USP24: variants seen among roughly 807,000 people sequenced by gnomAD.
USP24 encodes ubiquitin carboxyl-terminal hydrolase 24.
USP24 carries 97 observed loss-of-function variants against 361.6 expected under a neutral mutation model. The observed-to-expected ratio is 0.27, with a 90% CI of 0.23 to 0.32. The LOEUF (loss-of-function observed/expected upper bound fraction) is 0.32. USP24 is among the 10% of genes least tolerant of loss of function. The pLI is 1.00. For missense variants in USP24, 2,353 were observed against 3,165.6 expected, an observed-to-expected ratio of 0.74 and a Z score of 6.16; for synonymous variants, 1,098 against 1,124.6, an observed-to-expected ratio of 0.98 and a Z score of 0.47.
At chr1:55,127,126 T>A (rs1476816314) in intron 32 of USP24, among the ~76,000 whole-genome samples, 6 of 152,080 alleles carry the variant, frequency 3.9e-5, no homozygotes, top group African/African-American at 1.4e-4. Flanking sequence ...TGCAGGTTAG[T>A]TACATATGTA....
chr1:55,155,206 CATAG>C (rs1485605039), intron 12 of USP24, among the ~76,000 whole-genome samples: 1 of 152,196 alleles, frequency 6.6e-6, no homozygotes, highest in South Asian at 2.1e-4. Context: ...TTATTTTACT[CATAG>C]ATACTTTGTG....
In USP24 at chr1:55,084,685, C is replaced by T. The variant is rs556244840; in HGVS notation, c.6766-797G>A. Among the ~76,000 whole-genome samples the T allele has an allele frequency of 2.0e-5, 3 of 152,062 alleles. No individual in the cohort carries two copies. In the South Asian group the frequency reaches 6.2e-4, roughly 31 times the overall value. ...AGCACTTCATTTTCAAAGTACTTTA[C>T]AAGATAAAGTGGGTGGCAAGAGGCA... On this transcript the variant is annotated intron_variant, in intron 56 of 67. Coordinates refer to ENST00000294383, the MANE Select transcript of USP24 (RefSeq NM_015306.3).
Position 55,098,316 on chromosome 1 carries a change from GGAAGTAGAAAGCAAA to G in USP24, c.5453+145_5453+159del, listed in dbSNP as rs1645543541. Among the ~76,000 whole-genome samples, 5 of 152,128 alleles carry G rather than the reference GGAAGTAGAAAGCAAA, an allele frequency of 3.3e-5. No individual in the cohort carries two copies. In the South Asian group the frequency reaches 1.0e-3, roughly 32 times the overall value. ...CCACAAAGAAATTTTTTCTCCTTCT[GGAAGTAGAAAGCAAA>G]GAAATTTAAGTCACTAAATACTTAT... On this transcript the variant is annotated intron_variant, in intron 46 of 67. Transcript: ENST00000294383.
Position 55,147,704 on chromosome 1 carries a change from C to T in USP24, c.2063G>A (p.Gly688Glu). 2 of 1,611,994 alleles carry T rather than the reference C, an allele frequency of 1.2e-6. No homozygotes were observed. The highest frequency in any genetic ancestry group is 2.2e-5 in the East Asian group (1 of 44,690). ...TGTCGAGCCACTTAAGCCTCCAGGC[C>T]CGGCCACAGCAGCTGCAAGCCGATG... ...ACHRLAAAVA[G>E]PGGLSGSTLV... The change falls in exon 18 of 68, where the codon GGG becomes GAG. Residue 688 changes from glycine to glutamate, a missense_variant. Gly to Glu is a moderately conservative substitution (Grantham distance 98). This residue lies in a region of USP24 where 949 missense variants were observed against 1,280.5 expected (regional missense o/e 0.74). Transcript: ENST00000294383.
intron 24 of USP24, among the ~76,000 whole-genome samples, chr1:55,139,657 C>A (rs1345099043): frequency 7.9e-5 from 12 of 152,142 alleles, no homozygotes; most frequent in African/African-American, 2.9e-4. Context: ...TTAATTTAAA[C>A]ATTTTCTATT....
At chr1:55,152,014 T>A in intron 16 of USP24, 1 of 984,820 alleles carries the variant, frequency 1.0e-6, no homozygotes, top group South Asian at 4.7e-5. Context: ...ACACCTTTAG[T>A]GGAAGTAAAT....
At position 55,157,363 on chromosome 1, in the gene USP24, T is replaced by A. The variant is rs751387291; in HGVS notation, c.1235A>T (p.Lys412Ile). 1 of 1,566,786 alleles carries A rather than the reference T, an allele frequency of 6.4e-7. No individual in the cohort carries two copies. The highest frequency in any genetic ancestry group is 1.2e-5 in the South Asian group (1 of 82,702). Residue 412 changes from lysine to isoleucine, a missense_variant, in exon 11 of 68, where the codon AAA (lysine) becomes ATA (isoleucine). This residue lies in a region of USP24 where 386 missense variants were observed against 560.5 expected (regional missense o/e 0.69). Transcript: ENST00000294383. ...AKMNSLKEVT[K>I]LIEDSTLSKS... Reference sequence around the variant, plus strand: ...GGATAAAGTGCTATCTTCTATTAGTTTGGTTACCTAAAAAGATAAGATTAT... The same window carrying A: ...GGATAAAGTGCTATCTTCTATTAGTATGGTTACCTAAAAAGATAAGATTAT...
chr1:55,153,443 C>G (rs1389912806), intron 16 of USP24, among the ~76,000 whole-genome samples: 1 of 152,158 alleles, frequency 6.6e-6, no homozygotes, highest in Non-Finnish European at 1.5e-5. Context: ...TGAAACACTA[C>G]TATGTGCAAT....
chr1:55,097,239 G>A, intron 48 of USP24, 67 bp from the exon 49 acceptor site: 2 of 1,523,284 alleles, frequency 1.3e-6, no homozygotes, highest in Non-Finnish European at 1.8e-6. Context: ...CCAGTTAAGT[G>A]AGATCCAAAT....
Position 55,077,451 on chromosome 1 carries a change from A to G in USP24, c.7315-151T>C, listed in dbSNP as rs148952845. On this transcript the variant is annotated intron_variant, in intron 61 of 67. Transcript: ENST00000294383. ...TCTAGGCCTTAGTTTCTCAAATGCT[A>G]AGTCTGGGAACTGAAATAAACAACC... Among the ~76,000 whole-genome samples the G allele has an allele frequency of 5.3e-3, 808 of 152,294 alleles. 7 individuals carry two copies. Among genetic ancestry groups the G allele is most frequent in the African/African-American group, 0.019 (780 of 41,568 alleles).
In USP24 at chr1:55,165,885, C is replaced by T; in HGVS notation, c.927G>A (p.Gly309=). The change falls in exon 7 of 68, where the codon GGG becomes GGA. Residue 309 remains glycine (G), a splice_region_variant and synonymous_variant. Transcript: ENST00000294383. ...AKLHSEDIEL[G]AVSALIQPLG... The stretch of plus-strand genomic sequence containing the variant: ...GAGCATATACAGTAGTTTAACTTAC[C>T]CCAAGTTCTATATCTTCTGAATGGA... The T allele has an allele frequency of 6.3e-7, 1 of 1,594,382 alleles. No individual in the cohort carries two copies. The highest frequency in any genetic ancestry group is 1.3e-5 in the African/African-American group (1 of 74,140).
chr1:55,102,174 G>A (rs1557560876), intron 42 of USP24, among the ~76,000 whole-genome samples: 1 of 152,130 alleles, frequency 6.6e-6, no homozygotes, highest in Non-Finnish European at 1.5e-5. Context: ...AGTCTACGAA[G>A]TGATTACCAT....
intron 39 of USP24, among the ~76,000 whole-genome samples, 186 bp downstream of exon 39, chr1:55,109,999 G>C (rs544630564): frequency 1.8e-4 from 28 of 152,286 alleles, no homozygotes; most frequent in African/African-American, 6.3e-4. Flanking sequence ...GACTGGTTAT[G>C]TAACAGAAGA....
chr1:55,135,003 G>A (rs1646694473), intron 28 of USP24, among the ~76,000 whole-genome samples: 2 of 152,006 alleles, frequency 1.3e-5, no homozygotes, highest in African/African-American at 2.4e-5. Flanking sequence ...TTTACAAGTG[G>A]GAAGATTTTT....
At chr1:55,212,553 C>G (rs558379886) in intron 1 of USP24, among the ~76,000 whole-genome samples, 1 of 152,188 alleles carries the variant, frequency 6.6e-6, no homozygotes, top group Non-Finnish European at 1.5e-5. Context: ...TTACCTTTCC[C>G]TATTTCCCAA....
intron 38 of USP24, among the ~76,000 whole-genome samples, chr1:55,115,079 A>G (rs1646067216): frequency 6.6e-6 from 1 of 152,184 alleles, no homozygotes; most frequent in Non-Finnish European, 1.5e-5. Context: ...AAAATGGGCA[A>G]AGGATATGAA....
At chr1:55,177,842 G>A (rs2100823928) in intron 2 of USP24, 125 bp downstream of exon 2, 7 of 876,734 alleles carry the variant, frequency 8.0e-6, no homozygotes, top group East Asian at 2.7e-5. Context: ...CAGGAGATAA[G>A]TGAAGACTAA....
chr1:55,167,231 T>C (rs1011245245), intron 5 of USP24, among the ~76,000 whole-genome samples: 3 of 152,070 alleles, frequency 2.0e-5, no homozygotes, highest in South Asian at 2.1e-4. Context: ...GAAAGAAAAA[T>C]AGGACCTTCC....
intron 49 of USP24, 143 bp from the exon 50 acceptor site, chr1:55,096,765 T>A: frequency 7.1e-7 from 1 of 1,407,514 alleles, no homozygotes; most frequent in South Asian, 1.5e-5. Flanking sequence ...CAACAATTAT[T>A]TCAATTTCTA....
Sources: allele counts gnomAD v4.1 joint callset (sites outside exome capture counted in the v4.1 genomes callset), GRCh38; gene constraint gnomAD v4.1.1; regional missense constraint gnomAD v4.1.1; transcripts MANE v1.5; gene names NCBI Gene and HGNC (gene_info 2026-07-23, HGNC 2026-07-21).